Variants in CAPN13 observed in about 807,000 individuals in gnomAD.
The protein encoded by CAPN13 is calpain-13.
A neutral mutation model predicts 98.4 loss-of-function variants in CAPN13; 90 were observed. That is an observed-to-expected ratio of 0.92 (90% CI 0.77 to 1.09). The LOEUF is 1.09. Among genes scored for constraint, CAPN13 ranks in the 50% least tolerant of loss-of-function variants. CAPN13 has a pLI of 0.00. For missense variants in CAPN13, 887 were observed against 841.3 expected (o/e 1.05, Z -0.67); for synonymous variants, 330 against 305.5 (o/e 1.08, Z -0.84).
Position 30,753,103 on chromosome 2 carries a change from C to T in CAPN13, c.1037G>A (p.Gly346Glu), listed in dbSNP as rs1672261677. The change falls in exon 10 of 23, where the codon GGA becomes GAA. Residue 346 changes from glycine to glutamate, a missense_variant. Physicochemically the swap from Gly to Glu is moderately conservative, Grantham distance 98 (BLOSUM62 -2). Coordinates refer to ENST00000295055, the MANE Select transcript of CAPN13 (RefSeq NM_144575.3). The stretch of plus-strand genomic sequence containing the variant: ...CTTCCTAAACATTATTTGGGACCAT[C>T]CTTCGTGGAGTGTGTTTCCATGGTC... ...TLDHGNTLHE[G>E]WSQIMFRKQV... The T allele has an allele frequency of 1.2e-6, 2 of 1,613,988 alleles. No homozygotes were observed. Among genetic ancestry groups the T allele is most frequent in the Non-Finnish European group, 1.7e-6 (2 of 1,179,866 alleles).
chr2:30,733,948 A>G (rs1671225289), intron 19 of CAPN13, among the ~76,000 whole-genome samples: 1 of 152,226 alleles, frequency 6.6e-6, no homozygotes, highest in Non-Finnish European at 1.5e-5. Context: ...TTGGTGAACC[A>G]TGGAGAACTT....
intron 7 of CAPN13, among the ~76,000 whole-genome samples, chr2:30,758,780 C>CCCTTTCCTTTCCTT (rs1672599937): frequency 2.5e-5 from 1 of 39,992 alleles, no homozygotes; most frequent in African/African-American, 1.2e-4. Context: ...CTTCCTCCCT[C>CCCTTTCCTTTCCTT]CCTCCCTTTC....
intron 1 of CAPN13, among the ~76,000 whole-genome samples, chr2:30,798,483 C>T (rs1044383345): frequency 1.3e-5 from 2 of 152,160 alleles, no homozygotes; most frequent in Admixed American, 1.3e-4. Context: ...GTGATGAAAC[C>T]ACCTCCCTGC....
At chr2:30,741,035 G>T (rs1327370282) in intron 15 of CAPN13, among the ~76,000 whole-genome samples, 2 of 152,196 alleles carry the variant, frequency 1.3e-5, no homozygotes, top group East Asian at 3.9e-4. Flanking sequence ...CTTACAGACT[G>T]AGGGCAGTCA....
intron 2 of CAPN13, among the ~76,000 whole-genome samples, chr2:30,784,167 A>G (rs1322500300): frequency 2.7e-5 from 4 of 150,816 alleles, no homozygotes; most frequent in Non-Finnish European, 5.9e-5. Context: ...GCAACAGAAC[A>G]AGACTCCATC....
At chr2:30,782,974 G>A (rs1036326072) in intron 2 of CAPN13, among the ~76,000 whole-genome samples, 16 of 152,242 alleles carry the variant, frequency 1.1e-4, no homozygotes, top group East Asian at 1.9e-4. Flanking sequence ...ATAGCCACAC[G>A]GGACTAGTGG....
At chr2:30,760,156 C>T (rs1672767690) in intron 7 of CAPN13, among the ~76,000 whole-genome samples, 1 of 152,238 alleles carries the variant, frequency 6.6e-6, no homozygotes, top group Non-Finnish European at 1.5e-5. Context: ...GATCTCGGCT[C>T]ACTGCAAGCT....
At chr2:30,731,638 C>T (rs1671100422) in intron 20 of CAPN13, among the ~76,000 whole-genome samples, 1 of 152,232 alleles carries the variant, frequency 6.6e-6, no homozygotes, top group Non-Finnish European at 1.5e-5. Flanking sequence ...CCACACGCCT[C>T]TCCCTTTCCC....
chr2:30,773,201 A>T (rs912125714), intron 4 of CAPN13, among the ~76,000 whole-genome samples: 7 of 152,164 alleles, frequency 4.6e-5, no homozygotes, highest in African/African-American at 1.4e-4. Context: ...TTAACATGAG[A>T]TTTTTCTTCT....
rs114540088 is a variant in CAPN13 at position 30,759,864 on chromosome 2, T to C, written c.775-1727A>G. Among the ~76,000 whole-genome samples, 561 of 152,280 alleles carry C rather than the reference T, an allele frequency of 3.7e-3. 3 individuals are homozygous for C. Among genetic ancestry groups the C allele is most frequent in the African/African-American group, 0.013 (531 of 41,534 alleles). On this transcript the variant is annotated intron_variant, in intron 7 of 22. Coordinates refer to ENST00000295055, the MANE Select transcript of CAPN13 (RefSeq NM_144575.3). Reference sequence around the variant, plus strand: ...CCTGGTCAATTCCCATGCTCAGCAGTGGGGCATTGCTGTGCAGGAGCCGCA... The same window carrying C: ...CCTGGTCAATTCCCATGCTCAGCAGCGGGGCATTGCTGTGCAGGAGCCGCA...
At chr2:30,746,759 G>A (rs976260822) in intron 11 of CAPN13, 1 of 161,628 alleles carries the variant, frequency 6.2e-6, no homozygotes, top group African/African-American at 2.4e-5. Flanking sequence ...TGGGATGACT[G>A]GTCACTCATG....
chr2:30,773,046 G>A (rs778235235), intron 4 of CAPN13, among the ~76,000 whole-genome samples: 1 of 152,094 alleles, frequency 6.6e-6, no homozygotes, highest in Non-Finnish European at 1.5e-5. Context: ...GGATGGCTTC[G>A]ATCTCCTGAC....
At chr2:30,776,178 G>A in intron 3 of CAPN13, 133 bp from the exon 4 acceptor site, 4 of 565,886 alleles carry the variant, frequency 7.1e-6, no homozygotes, top group Non-Finnish European at 6.2e-6. Flanking sequence ...CTCTGAGAGA[G>A]GAGAACCGGG....
At chr2:30,772,822 CTTTT>C (rs34192316) in intron 4 of CAPN13, among the ~76,000 whole-genome samples, 1 of 137,616 alleles carries the variant, frequency 7.3e-6, no homozygotes, top group Non-Finnish European at 1.6e-5. Context: ...GAGAGCATTT[CTTTT>C]TTTTTTTTTT....
At chr2:30,738,140 G>A in intron 17 of CAPN13, 95 bp downstream of exon 17, 2 of 1,316,580 alleles carry the variant, frequency 1.5e-6, no homozygotes, top group Non-Finnish European at 2.2e-6. Context: ...ATACTGAGTG[G>A]GAAAAGGGTT....
chr2:30,801,597 T>A (rs1572894028), intron 1 of CAPN13, among the ~76,000 whole-genome samples: 5 of 111,596 alleles, frequency 4.5e-5, no homozygotes, highest in African/African-American at 3.7e-5. Flanking sequence ...AGAGGGAGAC[T>A]CAGTCTTAAA....
At chr2:30,775,903 TA>T (rs1448782776) in intron 4 of CAPN13, 26 bp downstream of exon 4, 1 of 1,540,524 alleles carries the variant, frequency 6.5e-7, no homozygotes, top group Non-Finnish European at 8.9e-7. Context: ...CCCCATCATA[TA>T]ATGAGCGCTG....
At chr2:30,751,398 T>A in intron 10 of CAPN13, 147 bp from the exon 11 acceptor site, 1 of 805,206 alleles carries the variant, frequency 1.2e-6, no homozygotes, top group Non-Finnish European at 1.9e-6. Context: ...CCACAGTTAC[T>A]ACTTGAGAAA....
In CAPN13 at chr2:30,763,111, G is replaced by A. The variant is rs17010210; in HGVS notation, c.745C>T (p.His249Tyr). 8.5e-3 allele frequency: 13,663 copies of A among 1,611,358 alleles called. 293 individuals carry two copies. In the East Asian group the frequency reaches 0.1, roughly 12 times the overall value. Reference protein sequence around the residue: ...QAMENGLVSLHAYTVTGAEQI... With the variant: ...QAMENGLVSLYAYTVTGAEQI... ...TCAGCCCCAGTCACAGTGTAGGCAT[G>A]GAGACTCACCAGCCCATTCTCCATC... Residue 249 changes from histidine to tyrosine, a missense_variant, in exon 7 of 23, where the codon CAT becomes TAT. By Grantham distance (83) the His-to-Tyr change is moderately conservative (BLOSUM62 2). Coordinates refer to ENST00000295055, the MANE Select transcript of CAPN13 (RefSeq NM_144575.3).
Sources: allele counts gnomAD v4.1 joint callset (sites outside exome capture counted in the v4.1 genomes callset), GRCh38; gene constraint gnomAD v4.1.1; transcripts MANE v1.5; gene names NCBI Gene and HGNC (gene_info 2026-07-23, HGNC 2026-07-21).